Variants in L3MBTL4 observed in about 807,000 individuals in gnomAD.
The protein encoded by L3MBTL4 is L3MBTL histone methyl-lysine binding protein 4.
In L3MBTL4, 70 loss-of-function variants were observed where a neutral mutation model predicts 84.5. The ratio of observed to expected loss-of-function variants is 0.83; its 90% CI spans 0.68 to 1.01. The LOEUF is 1.01. Ranked by LOEUF, L3MBTL4 falls within the 50% of genes least tolerant of loss-of-function variation. The pLI is 0.00. For synonymous variants in L3MBTL4, 274 were observed against 259.8 expected (o/e 1.05, Z -0.52); for missense variants, 715 against 754.8 (o/e 0.95, Z 0.62).
intron 1 of L3MBTL4, among the ~76,000 whole-genome samples, chr18:6,399,410 A>G (rs146968466): frequency 0.011 from 1,626 of 152,138 alleles, 13 homozygotes; most frequent in Non-Finnish European, 0.018. Context: ...GCACTCCAGC[A>G]TAGGTGCAGA....
chr18:6,138,052 G>A, intron 14 of L3MBTL4, 142 bp downstream of exon 14: 1 of 544,798 alleles, frequency 1.8e-6, no homozygotes, highest in South Asian at 3.1e-5. Flanking sequence ...AAAATGTCAA[G>A]GAAAGGCCTC....
intron 16 of L3MBTL4, among the ~76,000 whole-genome samples, chr18:6,063,641 T>C (rs1467918342): frequency 6.7e-6 from 1 of 149,160 alleles, no homozygotes; most frequent in African/African-American, 2.5e-5. Flanking sequence ...CTGTTGGCAG[T>C]TTGTATGTCT....
chr18:6,000,071 C>A, intron 16 of L3MBTL4, among the ~76,000 whole-genome samples: 1 of 150,274 alleles, frequency 6.7e-6, no homozygotes, highest in South Asian at 2.1e-4. Context: ...AAATTGAACT[C>A]ATTAAGTAAT....
chr18:6,297,819 G>T (rs766412201), intron 4 of L3MBTL4, among the ~76,000 whole-genome samples: 29 of 152,150 alleles, frequency 1.9e-4, no homozygotes, highest in Non-Finnish European at 3.5e-4. Context: ...TCCCCTGGGG[G>T]TCTCTTCCCC....
At chr18:6,330,064 T>C (rs1477594526) in intron 1 of L3MBTL4, among the ~76,000 whole-genome samples, 2 of 152,228 alleles carry the variant, frequency 1.3e-5, no homozygotes, top group African/African-American at 4.8e-5. Flanking sequence ...CTTTTGTTGC[T>C]GATGAGTATT....
At chr18:6,318,726 GAC>G (rs2051252435) in intron 1 of L3MBTL4, among the ~76,000 whole-genome samples, 2 of 151,916 alleles carry the variant, frequency 1.3e-5, no homozygotes, top group Admixed American at 6.6e-5. Flanking sequence ...AGCTCATCGA[GAC>G]AGAAGGTCAA....
intron 12 of L3MBTL4, among the ~76,000 whole-genome samples, chr18:6,176,711 A>T (rs1438933158): frequency 6.6e-6 from 1 of 152,214 alleles, no homozygotes; most frequent in Non-Finnish European, 1.5e-5. Flanking sequence ...TTCATTTTTT[A>T]CCTGACTCAA....
At chr18:6,093,302 T>C in intron 15 of L3MBTL4, 53 bp downstream of exon 15, 1 of 1,366,774 alleles carries the variant, frequency 7.3e-7, no homozygotes, top group Non-Finnish European at 9.8e-7. Context: ...AATTGTTCTT[T>C]TACTATTCTA....
At position 6,138,239 on chromosome 18, in the gene L3MBTL4, C is replaced by T. The variant is rs375183868; in HGVS notation, c.1154G>A (p.Arg385Gln). 23 of 1,613,310 alleles carry T rather than the reference C, an allele frequency of 1.4e-5. No individual in the cohort carries two copies. The highest frequency in any genetic ancestry group is 3.3e-4 in the Middle Eastern group (2 of 6,078). Residue 385 changes from arginine (R) to glutamine (Q), a missense_variant, in exon 14 of 19, where the codon CGA becomes CAA. By Grantham distance (43) the Arg-to-Gln change is conservative. Transcript: ENST00000317931. ...GQAVCPTPGC[R>Q]GIGHIRGPRY... ...TGGACCACGGATATGGCCTATTCCT[C>T]GGCACCCGGGAGTAGGACAGACAGC...
At chr18:6,290,071 T>C (rs1015086181) in intron 4 of L3MBTL4, among the ~76,000 whole-genome samples, 29 of 152,024 alleles carry the variant, frequency 1.9e-4, no homozygotes, top group African/African-American at 7.0e-4. Flanking sequence ...CAGACACGTG[T>C]CACCACACCC....
At chr18:6,014,351 T>TCATC (rs954226983) in intron 16 of L3MBTL4, among the ~76,000 whole-genome samples, 4 of 152,190 alleles carry the variant, frequency 2.6e-5, no homozygotes, top group Non-Finnish European at 4.4e-5. Context: ...AGTAAACAGA[T>TCATC]CATCCATCCA....
At chr18:5,989,337 G>GA (rs773397854) in intron 16 of L3MBTL4, among the ~76,000 whole-genome samples, 3 of 152,112 alleles carry the variant, frequency 2.0e-5, no homozygotes, top group East Asian at 3.8e-4. Context: ...ACAATATCCT[G>GA]AAAAAAGGCA....
At position 6,243,496 on chromosome 18, in the gene L3MBTL4, A is replaced by T. The variant is rs2047536255; in HGVS notation, c.325-67T>A. ...TATTTGGAGTAGACACAAAATTCACAAAATATTCATATATTTTGTCAGTAC... is the reference window on the plus strand; with the variant it reads ...TATTTGGAGTAGACACAAAATTCACTAAATATTCATATATTTTGTCAGTAC... On this transcript the variant is annotated intron_variant, in intron 6 of 18. Coordinates refer to ENST00000317931, the MANE Select transcript of L3MBTL4 (RefSeq NM_001330559.2). 3.0e-6 allele frequency: 4 copies of T among 1,339,716 alleles called. No homozygotes were observed. The East Asian group carries it at 1.0e-4, about 34-fold the overall frequency. The allele number at this position is 1,339,716 out of a possible 1,614,324, so 83.0% of individuals were successfully genotyped here.
chr18:6,342,692 GA>G (rs1033724187), intron 1 of L3MBTL4, among the ~76,000 whole-genome samples: 1 of 151,782 alleles, frequency 6.6e-6, no homozygotes, highest in Non-Finnish European at 1.5e-5. Context: ...ACAAAACAGT[GA>G]AAAAAACAAT....
intron 1 of L3MBTL4, among the ~76,000 whole-genome samples, chr18:6,362,914 G>A (rs760033644): frequency 8.5e-5 from 13 of 152,198 alleles, no homozygotes; most frequent in Non-Finnish European, 1.5e-4. Context: ...GGGCGCATGC[G>A]CACTGCCTTT....
intron 1 of L3MBTL4, among the ~76,000 whole-genome samples, chr18:6,375,816 G>A (rs771447600): frequency 1.8e-4 from 27 of 152,184 alleles, no homozygotes; most frequent in Non-Finnish European, 2.9e-4. Flanking sequence ...GAAGGGCCTG[G>A]CCTGGATGTC....
chr18:6,404,004 C>T (rs925266891), intron 1 of L3MBTL4, among the ~76,000 whole-genome samples: 2 of 151,948 alleles, frequency 1.3e-5, no homozygotes, highest in African/African-American at 4.8e-5. Flanking sequence ...GAATGGAAAA[C>T]CAAACATCAA....
chr18:6,097,152 G>A (rs1271782553), intron 14 of L3MBTL4, among the ~76,000 whole-genome samples: 1 of 152,116 alleles, frequency 6.6e-6, no homozygotes, highest in Non-Finnish European at 1.5e-5. Flanking sequence ...AAAAATGTCA[G>A]CCCCAACCTC....
At chr18:6,300,394 C>T (rs1052780585) in intron 4 of L3MBTL4, among the ~76,000 whole-genome samples, 3 of 152,090 alleles carry the variant, frequency 2.0e-5, no homozygotes, top group Admixed American at 6.6e-5. Flanking sequence ...GAGTCAGCCA[C>T]GGTGCGAACT....
Sources: gnomAD v4.1 joint callset for allele counts (sites outside exome capture counted in the v4.1 genomes callset) on GRCh38, gnomAD v4.1.1 for gene constraint, MANE v1.5 for transcripts, NCBI Gene and HGNC (gene_info 2026-07-23, HGNC 2026-07-21) for gene names.